The following EYA4 variants were observed in gnomAD, a reference collection of about 807,000 sequenced individuals.
EYA4 encodes the protein protein phosphatase EYA4.
Under a neutral mutation model 87.9 loss-of-function variants are expected in EYA4, and 31 were observed. That is an observed-to-expected ratio of 0.35 (90% CI 0.27 to 0.48). The LOEUF (loss-of-function observed/expected upper bound fraction) is 0.48, where lower values mean the gene tolerates loss of function less well. Ranked by LOEUF, EYA4 falls within the 20% of genes least tolerant of loss-of-function variation. EYA4 has a pLI of 0.99. For missense variants in EYA4, 678 were observed against 761.4 expected (o/e 0.89, Z 1.29); for synonymous variants, 263 against 270.6 (o/e 0.97, Z 0.28).
At chr6:133,411,016 C>G (rs932946263) in intron 3 of EYA4, among the ~76,000 whole-genome samples, 6 of 151,508 alleles carry the variant, frequency 4.0e-5, no homozygotes, top group African/African-American at 1.5e-4. Context: ...ACTTTCTGCC[C>G]TCTCAAGCCT....
At chr6:133,347,111 G>T (rs973848586) in intron 2 of EYA4, among the ~76,000 whole-genome samples, 5 of 152,150 alleles carry the variant, frequency 3.3e-5, no homozygotes, top group African/African-American at 1.2e-4. Context: ...AGATGCCTGA[G>T]ATCAAGGGAG....
At chr6:133,364,005 C>T (rs534791796) in intron 2 of EYA4, among the ~76,000 whole-genome samples, 1 of 152,322 alleles carries the variant, frequency 6.6e-6, no homozygotes, top group Non-Finnish European at 1.5e-5. Flanking sequence ...GGGCCTGCCT[C>T]ACTTATGGAT....
At chr6:133,339,335 G>A (rs1178491728) in intron 2 of EYA4, among the ~76,000 whole-genome samples, 2 of 152,186 alleles carry the variant, frequency 1.3e-5, no homozygotes, top group Non-Finnish European at 2.9e-5. Flanking sequence ...AAGTACCTAA[G>A]CAGTTGCTAT....
At chr6:133,394,519 C>T (rs1451895721) in intron 3 of EYA4, among the ~76,000 whole-genome samples, 1 of 151,032 alleles carries the variant, frequency 6.6e-6, no homozygotes, top group Non-Finnish European at 1.5e-5. Flanking sequence ...ATGGCAAACT[C>T]AATTGTCTAG....
chr6:133,277,841 T>G (rs1426230728), intron 2 of EYA4, among the ~76,000 whole-genome samples: 2 of 152,244 alleles, frequency 1.3e-5, no homozygotes, highest in East Asian at 3.8e-4. Flanking sequence ...ATCCCGCATC[T>G]CAAAGCTTTG....
intron 2 of EYA4, among the ~76,000 whole-genome samples, chr6:133,293,898 G>A (rs922786792): frequency 2.0e-5 from 3 of 150,786 alleles, no homozygotes; most frequent in African/African-American, 7.3e-5. Flanking sequence ...GCTGTGGTGA[G>A]TTGTGATCAA....
chr6:133,268,772 A>C (rs575336102), intron 1 of EYA4, among the ~76,000 whole-genome samples: 22 of 152,268 alleles, frequency 1.4e-4, no homozygotes, highest in Non-Finnish European at 1.3e-4. Context: ...AGATACCCAG[A>C]TTTGAGGGGA....
intron 2 of EYA4, among the ~76,000 whole-genome samples, chr6:133,283,594 A>G (rs1430829324): frequency 6.6e-6 from 1 of 152,178 alleles, no homozygotes; most frequent in African/African-American, 2.4e-5. Context: ...GAGTTTAGGT[A>G]TCTTATTCAG....
chr6:133,356,973 T>G (rs941843606), intron 2 of EYA4, among the ~76,000 whole-genome samples: 1 of 151,618 alleles, frequency 6.6e-6, no homozygotes, highest in African/African-American at 2.4e-5. Context: ...TATTTTCCAT[T>G]ATAAAAGAGC....
intron 1 of EYA4, among the ~76,000 whole-genome samples, chr6:133,243,728 G>A (rs182365828): frequency 6.6e-6 from 1 of 151,554 alleles, no homozygotes; most frequent in Admixed American, 6.6e-5. Context: ...AGAGGGGGTG[G>A]GGAGAGAATC....
chr6:133,492,578 T>A (rs1311053139), intron 13 of EYA4, among the ~76,000 whole-genome samples: 1 of 152,192 alleles, frequency 6.6e-6, no homozygotes, highest in Non-Finnish European at 1.5e-5. Context: ...CCACTGTTAT[T>A]CAGCATAGTA....
intron 3 of EYA4, among the ~76,000 whole-genome samples, chr6:133,415,369 A>G (rs114420665): frequency 0.018 from 2,771 of 152,230 alleles, 95 homozygotes; most frequent in African/African-American, 0.061. Flanking sequence ...TGAAAGTCCA[A>G]TGCAGCCTAG....
chr6:133,317,951 C>T (rs1178299742), intron 2 of EYA4, among the ~76,000 whole-genome samples: 1 of 151,908 alleles, frequency 6.6e-6, no homozygotes, highest in South Asian at 2.1e-4. Context: ...CATCCATCCT[C>T]CTTCCGTTGA....
At chr6:133,480,174 C>T (rs999501816) in intron 11 of EYA4, among the ~76,000 whole-genome samples, 1 of 152,074 alleles carries the variant, frequency 6.6e-6, no homozygotes, top group Non-Finnish European at 1.5e-5. Flanking sequence ...GTACAGGAGT[C>T]CATGTTTTCT....
At chr6:133,271,177 G>A (rs908856167) in intron 1 of EYA4, among the ~76,000 whole-genome samples, 2 of 152,150 alleles carry the variant, frequency 1.3e-5, no homozygotes, top group Admixed American at 6.5e-5. Flanking sequence ...TATATTGGAT[G>A]CTGATTCAGA....
chr6:133,450,453 A>G (rs770555076), intron 5 of EYA4, among the ~76,000 whole-genome samples: 1 of 152,214 alleles, frequency 6.6e-6, no homozygotes, highest in Non-Finnish European at 1.5e-5. Context: ...GAAAAGAACT[A>G]ATTTAATAGC....
In EYA4 at chr6:133,489,263, A is replaced by G. The variant is rs187236563; in HGVS notation, c.1191+6148A>G. Among the ~76,000 whole-genome samples the G allele has an allele frequency of 5.0e-3, 757 of 152,204 alleles. 7 individuals carry two copies. The highest frequency in any genetic ancestry group is 0.017 in the African/African-American group (688 of 41,534). ...GAAGCGCACCTACAAGATCTAGAAAATAGCCTCAAAAGGGCAAATCTAAGA... is the reference window on the plus strand; with the variant it reads ...GAAGCGCACCTACAAGATCTAGAAAGTAGCCTCAAAAGGGCAAATCTAAGA... On this transcript the variant is annotated intron_variant, in intron 13 of 19. Coordinates refer to ENST00000355286, the MANE Select transcript of EYA4 (RefSeq NM_004100.5).
At position 133,440,126 on chromosome 6, in the gene EYA4, G is replaced by A. The variant is rs543499652; in HGVS notation, c.84-6504G>A. 5.3e-5 allele frequency among the ~76,000 whole-genome samples: 8 copies of A among 152,164 alleles called. No homozygotes were observed. The East Asian group carries it at 1.5e-3, about 29-fold the overall frequency. ...GGTCCCAGTTACTCTATCATAGACAGGAATTATAGTCAAGTAATTTGAACA... is the reference window on the plus strand; with the variant it reads ...GGTCCCAGTTACTCTATCATAGACAAGAATTATAGTCAAGTAATTTGAACA... On this transcript the variant is annotated intron_variant, in intron 3 of 19. Coordinates refer to ENST00000355286, the MANE Select transcript of EYA4 (RefSeq NM_004100.5).
At chr6:133,413,568 C>CT (rs1789436830) in intron 3 of EYA4, among the ~76,000 whole-genome samples, 1 of 151,944 alleles carries the variant, frequency 6.6e-6, no homozygotes, top group South Asian at 2.1e-4. Flanking sequence ...TTTTGATTCT[C>CT]TTTTTTTCTG....
Sources: allele counts gnomAD v4.1 joint callset (sites outside exome capture counted in the v4.1 genomes callset), GRCh38; gene constraint gnomAD v4.1.1; transcripts MANE v1.5; gene names NCBI Gene and HGNC (gene_info 2026-07-23, HGNC 2026-07-21).